TOP1: variants seen among roughly 807,000 people sequenced by gnomAD.
The protein encoded by TOP1 is DNA topoisomerase 1.
Under a neutral mutation model 111.1 loss-of-function variants are expected in TOP1, and 10 were observed. The observed-to-expected ratio is 0.09, with a 90% CI of 0.06 to 0.15. The LOEUF is 0.15. Among genes scored for constraint, TOP1 ranks in the 10% least tolerant of loss-of-function variants. TOP1 has a pLI of 1.00. For synonymous variants in TOP1, 271 were observed against 302.9 expected (o/e 0.89, Z 1.10); for missense variants, 474 against 926.7 (o/e 0.51, Z 6.34).
intron 3 of TOP1, among the ~76,000 whole-genome samples, chr20:41,066,746 G>C (rs1238350134): frequency 1.3e-5 from 2 of 151,788 alleles, no homozygotes; most frequent in Non-Finnish European, 2.9e-5. Flanking sequence ...AGTAGAGACG[G>C]GGTTTTACTG....
intron 13 of TOP1, among the ~76,000 whole-genome samples, chr20:41,105,684 G>C (rs1367825007): frequency 6.6e-6 from 1 of 152,134 alleles, no homozygotes; most frequent in Non-Finnish European, 1.5e-5. Context: ...TTTTAATAGA[G>C]ACGGGATTTC....
In TOP1 at chr20:41,076,278, A is replaced by G. The variant is rs1317740193; in HGVS notation, c.263A>G (p.Lys88Arg). The G allele has an allele frequency of 6.2e-7, 1 of 1,609,864 alleles. No individual in the cohort carries two copies. The highest frequency in any genetic ancestry group is 1.3e-5 in the African/African-American group (1 of 74,646). Residue 88 changes from lysine to arginine, a missense_variant, in exon 4 of 21, where the codon AAA (lysine) becomes AGA (arginine). Physicochemically the swap from Lys to Arg is conservative, Grantham distance 26. Coordinates refer to ENST00000361337, the MANE Select transcript of TOP1 (RefSeq NM_003286.4). ...AAACATAAAGACAGAGACAAGGAAA[A>G]ACGAAAAGAGGAAAAGGTACAGAGT... is the stretch of plus-strand genomic sequence containing the variant. ...KDKHKDRDKE[K>R]RKEEKVRASG... is the part of the protein sequence containing the mutation.
intron 3 of TOP1, chr20:41,073,578 G>T (rs2033692194): frequency 1.4e-6 from 1 of 718,332 alleles, no homozygotes; most frequent in African/African-American, 1.9e-5. Context: ...TATCAATTTA[G>T]TGGAAATATA....
intron 13 of TOP1, among the ~76,000 whole-genome samples, chr20:41,107,970 G>A (rs751282970): frequency 1.4e-4 from 21 of 152,104 alleles, no homozygotes; most frequent in Non-Finnish European, 2.4e-4. Flanking sequence ...CTGGGTAGGC[G>A]TGAGCCACCA....
chr20:41,119,674 C>T (rs2034391407), intron 18 of TOP1, among the ~76,000 whole-genome samples: 1 of 152,160 alleles, frequency 6.6e-6, no homozygotes, highest in Admixed American at 6.6e-5. Flanking sequence ...AAGGTACACA[C>T]AACTTATAAT....
At position 41,094,123 on chromosome 20, in the gene TOP1, C is replaced by T. The variant is rs931635874; in HGVS notation, c.730+1536C>T. Among the ~76,000 whole-genome samples, 3 of 152,052 alleles carry T rather than the reference C, an allele frequency of 2.0e-5. No homozygotes were observed. The highest frequency in any genetic ancestry group is 7.2e-5 in the African/African-American group (3 of 41,404). ...GTATTTGTGGTCAGACACCAAGACC[C>T]AGCAGTGGATAGTACTACTGACTTA... On this transcript the variant is annotated intron_variant, in intron 9 of 20. Transcript: ENST00000361337. The surrounding 1 kb of genome is among the most constrained non-coding windows in gnomAD (Gnocchi z 4.4).
chr20:41,032,263 C>T lies in TOP1; in HGVS notation c.58+2808C>T, dbSNP rs1169550018. On this transcript the variant is annotated intron_variant, in intron 2 of 20. Coordinates refer to ENST00000361337, the MANE Select transcript of TOP1 (RefSeq NM_003286.4). This position sits in a 1 kb window ranked among gnomAD's most constrained non-coding sequence, Gnocchi z 4.3. ...TCCCCCCCGTCCCCCCACTTTGGAGCTCATTCTTCGCAATATTTAAAATTG... is the reference window on the plus strand; with the variant it reads ...TCCCCCCCGTCCCCCCACTTTGGAGTTCATTCTTCGCAATATTTAAAATTG... Among the ~76,000 whole-genome samples the T allele has an allele frequency of 2.6e-5, 4 of 152,088 alleles. No individual in the cohort carries two copies. The highest frequency in any genetic ancestry group is 9.6e-5 in the African/African-American group (4 of 41,492).
At chr20:41,060,872 T>C (rs1435251957) in intron 2 of TOP1, among the ~76,000 whole-genome samples, 1 of 152,208 alleles carries the variant, frequency 6.6e-6, no homozygotes, top group Non-Finnish European at 1.5e-5. Flanking sequence ...GTATTGTTAT[T>C]ACTATTTTTA....
At chr20:41,111,107 G>A (rs562920910) in intron 13 of TOP1, among the ~76,000 whole-genome samples, 18 of 152,278 alleles carry the variant, frequency 1.2e-4, no homozygotes, top group Middle Eastern at 6.8e-3. Context: ...CTGAGCAAAC[G>A]TAACCCTAGG....
At chr20:41,081,609 TG>T (rs1037111822) in intron 7 of TOP1, among the ~76,000 whole-genome samples, 1 of 152,238 alleles carries the variant, frequency 6.6e-6, no homozygotes, top group African/African-American at 2.4e-5. Flanking sequence ...AAGAATTTTT[TG>T]CTGATCATTC....
chr20:41,061,821 G>GGT lies in TOP1; in HGVS notation c.155+332_155+333dup, dbSNP rs751704637. ...CTGTAGCAAGCTTGCCTTGATAAAA[G>GGT]GTAACTGGATTGGAGACCTGATTTT... On this transcript the variant is annotated intron_variant, in intron 3 of 20. Transcript: ENST00000361337. The surrounding 1 kb of genome is among the most constrained non-coding windows in gnomAD (Gnocchi z 4.6). 1.1e-4 allele frequency among the ~76,000 whole-genome samples: 16 copies of GGT among 152,210 alleles called. No individual in the cohort carries two copies. Among genetic ancestry groups the GGT allele is most frequent in the Non-Finnish European group, 2.4e-4 (16 of 67,990 alleles).
chr20:41,072,761 G>T, intron 3 of TOP1: 5 of 985,440 alleles, frequency 5.1e-6, no homozygotes, highest in Non-Finnish European at 6.0e-6. Flanking sequence ...GTATTCAGAA[G>T]CCTGGTGGAG....
At chr20:41,031,730 G>A (rs2122581698) in intron 2 of TOP1, among the ~76,000 whole-genome samples, 1 of 152,320 alleles carries the variant, frequency 6.6e-6, no homozygotes, top group African/African-American at 2.4e-5. Context: ...CAAGGGCTGT[G>A]AGTTGGCCAC....
chr20:41,038,614 G>T (rs995934061), intron 2 of TOP1, among the ~76,000 whole-genome samples: 1 of 152,114 alleles, frequency 6.6e-6, no homozygotes, highest in Admixed American at 6.6e-5. Context: ...TTGACTTTGC[G>T]GCAACTTCAG....
chr20:41,045,583 A>C (rs910694818), intron 2 of TOP1, among the ~76,000 whole-genome samples: 2 of 152,256 alleles, frequency 1.3e-5, no homozygotes, highest in African/African-American at 4.8e-5. Flanking sequence ...TTGACAAAAC[A>C]GATGAACTTA....
Position 41,095,718 on chromosome 20 carries a change from T to A in TOP1, c.731-1502T>A, listed in dbSNP as rs911738426. Among the ~76,000 whole-genome samples, 3 of 152,250 alleles carry A rather than the reference T, an allele frequency of 2.0e-5. No homozygotes were observed. The highest frequency in any genetic ancestry group is 4.4e-5 in the Non-Finnish European group (3 of 68,052). On this transcript the variant is annotated intron_variant, in intron 9 of 20. Coordinates refer to ENST00000361337, the MANE Select transcript of TOP1 (RefSeq NM_003286.4). The surrounding 1 kb of genome is among the most constrained non-coding windows in gnomAD (Gnocchi z 4.6). Reference sequence around the variant, plus strand: ...AGTTTTGAAATAAATGGATTTCTGGTTAAATTTTAGTTTTCTATAAAGAAT... The same window carrying A: ...AGTTTTGAAATAAATGGATTTCTGGATAAATTTTAGTTTTCTATAAAGAAT...
Position 41,097,466 on chromosome 20 carries a change from A to G in TOP1, c.852+125A>G, listed in dbSNP as rs1310305208. ...GAGTTGTATGGATTTTGTTGTATTT[A>G]AACTTGCGTATTTTTTGTCTTCATT... On this transcript the variant is annotated intron_variant, in intron 10 of 20. Transcript: ENST00000361337. This position sits in a 1 kb window ranked among gnomAD's most constrained non-coding sequence, Gnocchi z 4.2. 1 of 992,036 alleles carries G rather than the reference A, an allele frequency of 1.0e-6. No homozygotes were observed. The highest frequency in any genetic ancestry group is 1.7e-5 in the African/African-American group (1 of 60,238). 61.5% of individuals were successfully genotyped at this position (992,036 alleles called of 1,614,324 possible). A position where few individuals can be genotyped will look rare whatever the true frequency, so the allele number is the denominator to read the frequency against.
rs931666736 is a variant in TOP1 at position 41,094,475 on chromosome 20, A to C, written c.730+1888A>C. Reference sequence around the variant, plus strand: ...GATGGGAGGGAAAGCTAGATTCCCTAGTCCTGTGGTTTCTCTTCCTTTTCA... The same window carrying C: ...GATGGGAGGGAAAGCTAGATTCCCTCGTCCTGTGGTTTCTCTTCCTTTTCA... On this transcript the variant is annotated intron_variant, in intron 9 of 20. Transcript: ENST00000361337. This position sits in a 1 kb window ranked among gnomAD's most constrained non-coding sequence, Gnocchi z 4.4. 6.6e-6 allele frequency among the ~76,000 whole-genome samples: 1 copy of C among 152,172 alleles called. No homozygotes were observed. The highest frequency in any genetic ancestry group is 2.4e-5 in the African/African-American group (1 of 41,442).
chr20:41,101,475 G>T lies in TOP1; in HGVS notation c.1308+122G>T. The T allele has an allele frequency of 9.3e-7, 1 of 1,074,208 alleles. No individual in the cohort carries two copies. Among genetic ancestry groups the T allele is most frequent in the Non-Finnish European group, 1.3e-6 (1 of 763,344 alleles). 66.5% of individuals were successfully genotyped at this position (1,074,208 alleles called of 1,614,324 possible). On this transcript the variant is annotated intron_variant, in intron 13 of 20. Coordinates refer to ENST00000361337, the MANE Select transcript of TOP1 (RefSeq NM_003286.4). This position sits in a 1 kb window ranked among gnomAD's most constrained non-coding sequence, Gnocchi z 4.1. ...TTAAAAATCCTCCCCATTGAAAGAA[G>T]GCAAGTACTTTCATAGTTAGCATTA...
Sources: gnomAD v4.1 joint callset for allele counts (sites outside exome capture counted in the v4.1 genomes callset) on GRCh38, gnomAD v4.1.1 for gene constraint, Gnocchi (gnomAD v3.1) non-coding constraint, MANE v1.5 for transcripts, NCBI Gene and HGNC (gene_info 2026-07-23, HGNC 2026-07-21) for gene names.